The following ARHGAP44 variants were observed in gnomAD, a reference collection of about 807,000 sequenced individuals.
ARHGAP44 encodes rho GTPase-activating protein 44.
ARHGAP44 carries 43 observed loss-of-function variants against 106.8 expected under a neutral mutation model. The ratio of observed to expected loss-of-function variants is 0.40; its 90% CI spans 0.32 to 0.52. The LOEUF is 0.52. Among genes scored for constraint, ARHGAP44 ranks in the 20% least tolerant of loss-of-function variants. The pLI is 0.48. For synonymous variants in ARHGAP44, 439 were observed against 410.3 expected, an observed-to-expected ratio of 1.07 and a Z score of -0.85; for missense variants, 866 against 1,050.5, an observed-to-expected ratio of 0.82 and a Z score of 2.43.
At chr17:12,810,793 A>G (rs2034415236) in intron 1 of ARHGAP44, among the ~76,000 whole-genome samples, 3 of 152,108 alleles carry the variant, frequency 2.0e-5, no homozygotes, top group Admixed American at 2.0e-4. Context: ...CTTGTATCAT[A>G]TACAGTTGAC....
intron 1 of ARHGAP44, among the ~76,000 whole-genome samples, chr17:12,833,690 G>A (rs1567638006): frequency 6.6e-6 from 1 of 152,098 alleles, no homozygotes; most frequent in Non-Finnish European, 1.5e-5. Flanking sequence ...CCACAACTTG[G>A]TTTTATACAT....
chr17:12,951,178 A>G (rs2038983556), intron 12 of ARHGAP44, among the ~76,000 whole-genome samples: 1 of 152,226 alleles, frequency 6.6e-6, no homozygotes, highest in Admixed American at 6.5e-5. Flanking sequence ...CCATTTATTG[A>G]GTGCTTATTA....
At chr17:12,989,124 A>AC (rs2040042552) in intron 20 of ARHGAP44, among the ~76,000 whole-genome samples, 1 of 148,140 alleles carries the variant, frequency 6.8e-6, no homozygotes, top group African/African-American at 2.5e-5. Flanking sequence ...AAAAAAAAAA[A>AC]ACTAAGCAGG....
chr17:12,832,067 A>C (rs936909980), intron 1 of ARHGAP44, among the ~76,000 whole-genome samples: 3 of 152,354 alleles, frequency 2.0e-5, no homozygotes, highest in South Asian at 2.1e-4. Flanking sequence ...CTGCCCAGAA[A>C]GAGCCAATTT....
intron 1 of ARHGAP44, among the ~76,000 whole-genome samples, chr17:12,893,477 A>G (rs768579399): frequency 6.6e-6 from 1 of 152,182 alleles, no homozygotes; most frequent in Non-Finnish European, 1.5e-5. Context: ...CCAGGTGACC[A>G]TATGATTTCC....
chr17:12,891,126 C>G (rs997549651), intron 1 of ARHGAP44, among the ~76,000 whole-genome samples: 2 of 152,188 alleles, frequency 1.3e-5, no homozygotes, highest in Non-Finnish European at 2.9e-5. Context: ...CTCTTCTCTT[C>G]TGAGCCCTCA....
At chr17:12,959,094 G>C (rs2039198162) in intron 16 of ARHGAP44, 197 bp downstream of exon 16, 1 of 627,656 alleles carries the variant, frequency 1.6e-6, no homozygotes, top group Admixed American at 2.7e-5. Flanking sequence ...CCAGAGGTCA[G>C]TGTAGCCTTC....
chr17:12,991,214 CTT>C lies in ARHGAP44; in HGVS notation c.*1046_*1047del, dbSNP rs1355499901. 1.3e-5 allele frequency: 2 copies of C among 152,574 alleles called. No individual in the cohort carries two copies. The highest frequency in any genetic ancestry group is 2.9e-5 in the Non-Finnish European group (2 of 68,032). The allele number at this position is 152,574 out of a possible 1,614,324, so 9.5% of individuals were successfully genotyped here. On this transcript the variant is annotated 3_prime_UTR_variant, in exon 21 of 21. Coordinates refer to ENST00000379672, the MANE Select transcript of ARHGAP44 (RefSeq NM_014859.6). Reference sequence around the variant, plus strand: ...GAGGGCCGGGAGGGCACCGGGTAGCCTTTTCACACTTGGGGATTAGGGGAGTG... The same window carrying C: ...GAGGGCCGGGAGGGCACCGGGTAGCCTTCACACTTGGGGATTAGGGGAGTG...
At chr17:12,984,460 TG>T in intron 19 of ARHGAP44, 70 bp from the exon 20 acceptor site, 1 of 1,482,542 alleles carries the variant, frequency 6.7e-7, no homozygotes, top group East Asian at 2.3e-5. Context: ...GAAGGGTGTG[TG>T]AACAGGCCCC....
At position 12,795,762 on chromosome 17, in the gene ARHGAP44, TGGG is replaced by T. The variant is rs930908767; in HGVS notation, c.53+5875_53+5877del. Among the ~76,000 whole-genome samples the T allele has an allele frequency of 1.7e-4, 26 of 152,022 alleles. 1 individual carries two copies. Among genetic ancestry groups the T allele is most frequent in the Admixed American group, 9.2e-4 (14 of 15,228 alleles). ...TGTAGTTGTAGGTCAGGCAGGAGGTTGGGGGGAGAGTCAGAGAGTCAGGCCTCT... is the reference window on the plus strand; with the variant it reads ...TGTAGTTGTAGGTCAGGCAGGAGGTTGGGAGAGTCAGAGAGTCAGGCCTCT... On this transcript the variant is annotated intron_variant, in intron 1 of 20. Coordinates refer to ENST00000379672, the MANE Select transcript of ARHGAP44 (RefSeq NM_014859.6).
At chr17:12,964,237 T>C (rs750177989) in intron 16 of ARHGAP44, among the ~76,000 whole-genome samples, 4 of 152,270 alleles carry the variant, frequency 2.6e-5, no homozygotes, top group Non-Finnish European at 4.4e-5. Context: ...AAAGTAAATC[T>C]ACAGTCCCTT....
intron 1 of ARHGAP44, among the ~76,000 whole-genome samples, chr17:12,801,321 T>A (rs1220039575): frequency 6.6e-6 from 1 of 152,254 alleles, no homozygotes; most frequent in Non-Finnish European, 1.5e-5. Flanking sequence ...TGACGGACAC[T>A]TGTGCAGTAA....
chr17:12,948,103 A>G (rs1181375993), intron 10 of ARHGAP44, among the ~76,000 whole-genome samples: 1 of 152,218 alleles, frequency 6.6e-6, no homozygotes. Flanking sequence ...ACAGAAACCG[A>G]TAGGTCTTTA....
intron 10 of ARHGAP44, among the ~76,000 whole-genome samples, chr17:12,944,993 A>G (rs2038814213): frequency 6.6e-6 from 1 of 152,026 alleles, no homozygotes; most frequent in Non-Finnish European, 1.5e-5. Context: ...AGCCACATGT[A>G]AAAAATGTCT....
At chr17:12,796,641 G>T (rs1350101030) in intron 1 of ARHGAP44, among the ~76,000 whole-genome samples, 2 of 150,536 alleles carry the variant, frequency 1.3e-5, no homozygotes, top group Non-Finnish European at 2.9e-5. Context: ...CTGTCACCCA[G>T]CCTGGAGTGC....
At position 12,971,757 on chromosome 17, in the gene ARHGAP44, C is replaced by T. The variant is rs138674333; in HGVS notation, c.1524-1545C>T. ...CTATTGGGTCCAGGAAAGAGACATC[C>T]CTCCCCTTTCCCTCCATCCCTGGTG... is the stretch of plus-strand genomic sequence containing the variant. On this transcript the variant is annotated intron_variant, in intron 16 of 20. Coordinates refer to ENST00000379672, the MANE Select transcript of ARHGAP44 (RefSeq NM_014859.6). 9.9e-4 allele frequency among the ~76,000 whole-genome samples: 150 copies of T among 152,214 alleles called. 5 individuals are homozygous for T. In the East Asian group the frequency reaches 0.024, roughly 24 times the overall value.
rs1215182292 is a variant in ARHGAP44 at position 12,990,089 on chromosome 17, T to TGAG, written c.2376_2378dup (p.Leu792_Ser793insArg). 7.4e-6 allele frequency: 12 copies of TGAG among 1,613,142 alleles called. No individual in the cohort carries two copies. The highest frequency in any genetic ancestry group is 1.0e-5 in the Non-Finnish European group (12 of 1,179,412). On this transcript the variant is annotated inframe_insertion, in exon 21 of 21. Transcript: ENST00000379672. Reference sequence around the variant, plus strand: ...ATAGAGCTCGGGTCGACGCTCCGCCTGAGTCCCCTGGAGCACATGCGGCGA... The same window carrying TGAG: ...ATAGAGCTCGGGTCGACGCTCCGCCTGAGGAGTCCCCTGGAGCACATGCGGCGA...
At chr17:12,968,284 G>A (rs11078106) in intron 16 of ARHGAP44, among the ~76,000 whole-genome samples, 15,672 of 152,208 alleles carry the variant, frequency 0.1, 931 homozygotes, top group South Asian at 0.2. Flanking sequence ...ACAAGCAAGA[G>A]ATATACAAAC....
chr17:12,886,137 A>G (rs570875598), intron 1 of ARHGAP44, among the ~76,000 whole-genome samples: 54 of 152,166 alleles, frequency 3.5e-4, no homozygotes, highest in African/African-American at 1.3e-3. Flanking sequence ...TTTAGAGACC[A>G]CTGATCATAT....
Sources: gnomAD v4.1 joint callset for allele counts (sites outside exome capture counted in the v4.1 genomes callset) on GRCh38, gnomAD v4.1.1 for gene constraint, MANE v1.5 for transcripts, NCBI Gene and HGNC (gene_info 2026-07-23, HGNC 2026-07-21) for gene names.